Variants in SCAF11 observed in about 807,000 individuals in gnomAD.
The protein encoded by SCAF11 is protein SCAF11.
SCAF11 carries 47 observed loss-of-function variants against 140.5 expected under a neutral mutation model. That is an observed-to-expected ratio of 0.33 (90% confidence interval 0.26 to 0.43). SCAF11 has a LOEUF of 0.43. Among genes scored for constraint, SCAF11 ranks in the 20% least tolerant of loss-of-function variants. The probability of loss-of-function intolerance (pLI) is 1.00; values close to 1 mark genes in which losing one functional copy is unlikely to be tolerated. For missense variants in SCAF11, 1,645 were observed against 1,705.1 expected, an observed-to-expected ratio of 0.96 and a Z score of 0.62; for synonymous variants, 557 against 579.4, an observed-to-expected ratio of 0.96 and a Z score of 0.55.
chr12:45,926,936 C>T lies in SCAF11; in HGVS notation c.2765G>A (p.Arg922Lys), dbSNP rs1944883928. Residue 922 changes from arginine (R) to lysine (K), a missense_variant, in exon 11 of 15, where the codon AGG (arginine) becomes AAG (lysine). Arg to Lys is a conservative substitution (Grantham distance 26, BLOSUM62 2). This residue lies in a region of SCAF11 where 1,582 missense variants were observed against 1,609.2 expected (regional missense o/e 0.98). Coordinates refer to ENST00000369367, the MANE Select transcript of SCAF11 (RefSeq NM_004719.3). Reference sequence around the variant, plus strand: ...TCTGGTTCTCCTTTCTCTCTCTCTCCTCTGCCCATCTCTATCACTTTCTCG... The same window carrying T: ...TCTGGTTCTCCTTTCTCTCTCTCTCTTCTGCCCATCTCTATCACTTTCTCG... ...RERESDRDGQ[R>K]RERERRTRKW... 3 of 1,612,546 alleles carry T rather than the reference C, an allele frequency of 1.9e-6. No individual in the cohort carries two copies. The highest frequency in any genetic ancestry group is 4.5e-5 in the East Asian group (2 of 44,874).
chr12:45,941,006 G>A (rs201762697), intron 6 of SCAF11, among the ~76,000 whole-genome samples: 2 of 152,086 alleles, frequency 1.3e-5, no homozygotes, highest in East Asian at 1.9e-4. Context: ...GTTTCGCCAC[G>A]TTGCCTCAAT....
rs775907260 is a variant in SCAF11, at chr12:45,948,523, T to C, written c.312A>G (p.Lys104=). The C allele has an allele frequency of 1.9e-6, 3 of 1,607,028 alleles. No individual in the cohort carries two copies. The Middle Eastern group carries it at 5.0e-4, about 266-fold the overall frequency. The change falls in exon 5 of 15, where the codon AAA becomes AAG. Residue 104 remains lysine (K), a synonymous_variant. Coordinates refer to ENST00000369367, the MANE Select transcript of SCAF11 (RefSeq NM_004719.3). ...LEGYVKVQVK[K]QLRETKDKKN... is the part of the protein sequence containing the mutation. ...TCTTGTCTTTTGTTTCTCTCAGCTG[T>C]TTTTTTACTTGAACCTATGAGAAAA...
chr12:45,983,499 C>T (rs1207729370), intron 1 of SCAF11, among the ~76,000 whole-genome samples: 1 of 152,050 alleles, frequency 6.6e-6, no homozygotes, highest in Non-Finnish European at 1.5e-5. Context: ...AATTAAAACA[C>T]CGTCAATACT....
In SCAF11 at chr12:45,926,932, T is replaced by C. The variant is rs778630341; in HGVS notation, c.2769A>G (p.Arg923=). Reference sequence around the variant, plus strand: ...ACTTTCTGGTTCTCCTTTCTCTCTCTCTCCTCTGCCCATCTCTATCACTTT... The same window carrying C: ...ACTTTCTGGTTCTCCTTTCTCTCTCCCTCCTCTGCCCATCTCTATCACTTT... ...ERESDRDGQR[R]ERERRTRKWS... Residue 923 remains arginine, a synonymous_variant, in exon 11 of 15, where the codon AGA becomes AGG. Coordinates refer to ENST00000369367, the MANE Select transcript of SCAF11 (RefSeq NM_004719.3). The C allele has an allele frequency of 2.5e-6, 4 of 1,612,690 alleles. No individual in the cohort carries two copies. In the South Asian group the frequency reaches 4.4e-5, roughly 18 times the overall value.
intron 6 of SCAF11, among the ~76,000 whole-genome samples, chr12:45,935,970 C>A (rs1945164548): frequency 6.6e-6 from 1 of 152,090 alleles, no homozygotes. Context: ...CAAAGTAATG[C>A]ATGTACATAC....
chr12:45,991,763 G>T, upstream of SCAF11: 1 of 618,340 alleles, frequency 1.6e-6, no homozygotes, highest in Non-Finnish European at 2.2e-6. Flanking sequence ...GCAAGCTTCC[G>T]GTTGCTCTGC....
At chr12:45,985,471 C>G (rs1946441360) in intron 1 of SCAF11, among the ~76,000 whole-genome samples, 1 of 152,134 alleles carries the variant, frequency 6.6e-6, no homozygotes, top group Non-Finnish European at 1.5e-5. Flanking sequence ...TTAATCTGAT[C>G]TAGAGGTTCC....
chr12:45,961,307 C>T (rs764562608), intron 3 of SCAF11: 1 of 715,444 alleles, frequency 1.4e-6, no homozygotes, highest in Non-Finnish European at 2.6e-6. Context: ...AATCAAATAA[C>T]CTATGTGAAA....
Position 45,990,389 on chromosome 12 carries a change from C to T in SCAF11, c.-58G>A, listed in dbSNP as rs1396269323. The stretch of plus-strand genomic sequence containing the variant: ...GTCGAGGCGCTCGGTCCGGCCGCGG[C>T]CCCACAGTAGGTTCCCAGGTCCCAG... On this transcript the variant is annotated 5_prime_UTR_variant, in exon 1 of 15. Transcript: ENST00000369367. The T allele has an allele frequency of 2.8e-5, 34 of 1,232,468 alleles. No homozygotes were observed. Among genetic ancestry groups the T allele is most frequent in the Non-Finnish European group, 3.3e-5 (33 of 988,704 alleles). The allele number at this position is 1,232,468 out of a possible 1,614,324, so 76.3% of individuals were successfully genotyped here. A position where few individuals can be genotyped will look rare whatever the true frequency, so the allele number is the denominator to read the frequency against.
chr12:45,922,266 TG>T, intron 14 of SCAF11, 72 bp from the exon 15 acceptor site: 1 of 1,512,128 alleles, frequency 6.6e-7, no homozygotes, highest in Non-Finnish European at 8.8e-7. Flanking sequence ...GAAAGCTTTG[TG>T]AAAAACAACC....
At chr12:45,990,212 A>T in intron 1 of SCAF11, 141 bp downstream of exon 1, 1 of 1,151,660 alleles carries the variant, frequency 8.7e-7, no homozygotes. Flanking sequence ...ACGACGTCGC[A>T]CGGGCCGCGC....
At position 45,926,254 on chromosome 12, in the gene SCAF11, G is replaced by A. The variant is rs371897313; in HGVS notation, c.3447C>T (p.Ala1149=). Residue 1149 remains alanine (A), a synonymous_variant, in exon 11 of 15, where the codon GCC becomes GCT. Coordinates refer to ENST00000369367, the MANE Select transcript of SCAF11 (RefSeq NM_004719.3). ...RSGWTSASSW[A]VRKTLPADVQ... is the part of the protein sequence containing the mutation. ...CATCTGCTGGCAAAGTCTTTCTCAC[G>A]GCCCAGCTGGATGCAGATGTCCATC... 9.2e-5 allele frequency: 149 copies of A among 1,613,926 alleles called. No individual in the cohort carries two copies. Among genetic ancestry groups the A allele is most frequent in the Non-Finnish European group, 1.2e-4 (140 of 1,180,000 alleles).
intron 12 of SCAF11, 134 bp downstream of exon 12, chr12:45,924,594 G>T (rs1944801672): frequency 1.4e-6 from 1 of 694,670 alleles, no homozygotes; most frequent in Non-Finnish European, 2.3e-6. Context: ...GAGGGATTAT[G>T]AAGGTTTACC....
chr12:45,938,184 T>C (rs755737164), intron 6 of SCAF11, among the ~76,000 whole-genome samples: 3 of 152,096 alleles, frequency 2.0e-5, no homozygotes, highest in Non-Finnish European at 4.4e-5. Flanking sequence ...GGCTTAAACT[T>C]TGTGGCTTAA....
At chr12:45,960,354 A>G (rs1945796745) in intron 3 of SCAF11, 1 of 152,158 alleles carries the variant, frequency 6.6e-6, no homozygotes, top group Non-Finnish European at 1.5e-5. Flanking sequence ...CTTATAAAAA[A>G]GCACTGTATT....
intron 6 of SCAF11, among the ~76,000 whole-genome samples, chr12:45,939,461 C>T (rs908962822): frequency 1.6e-4 from 25 of 152,014 alleles, no homozygotes; most frequent in African/African-American, 5.8e-4. Flanking sequence ...TTTGGGAGGC[C>T]GAGACGGGCA....
chr12:45,934,255 A>G lies in SCAF11; in HGVS notation c.553T>C (p.Cys185Arg). 1 of 1,610,460 alleles carries G rather than the reference A, an allele frequency of 6.2e-7. No individual in the cohort carries two copies. The highest frequency in any genetic ancestry group is 8.5e-7 in the Non-Finnish European group (1 of 1,178,034). The change falls in exon 8 of 15, where the codon TGC (cysteine) becomes CGC (arginine). Residue 185 changes from cysteine (C) to arginine (R), a missense_variant. Cys to Arg is a radical substitution (Grantham distance 180). Coordinates refer to ENST00000369367, the MANE Select transcript of SCAF11 (RefSeq NM_004719.3). ...ATATTGGAGAAAAAATTTCTGAAGC[A>G]CTGATTTGTACTCCAATTTGATCTC... ...PQRSNWSTNQ[C>R]FRNFFSNMFS...
At chr12:45,932,783 G>A (rs1480440264) in intron 9 of SCAF11, among the ~76,000 whole-genome samples, 3 of 152,096 alleles carry the variant, frequency 2.0e-5, no homozygotes, top group African/African-American at 7.2e-5. Flanking sequence ...TGGTAAAAGC[G>A]TGATTCAGCG....
chr12:45,990,685 G>A (rs1946582440), upstream of SCAF11: 3 of 882,142 alleles, frequency 3.4e-6, no homozygotes, highest in Admixed American at 4.4e-5. Context: ...GCGGCAGCCG[G>A]ACTCGCCACA....
Sources: allele counts gnomAD v4.1 joint callset (sites outside exome capture counted in the v4.1 genomes callset), GRCh38; gene constraint gnomAD v4.1.1; regional missense constraint gnomAD v4.1.1; transcripts MANE v1.5; gene names NCBI Gene and HGNC (gene_info 2026-07-23, HGNC 2026-07-21).